Variants in GRK3 observed in about 807,000 individuals in gnomAD.
GRK3 encodes G protein-coupled receptor kinase 3, also known as adrenergic, beta, receptor kinase 2.
GRK3 carries 54 observed loss-of-function variants against 95.7 expected under a neutral mutation model. The ratio of observed to expected loss-of-function variants is 0.56; its 90% confidence interval spans 0.45 to 0.71. GRK3 has a LOEUF of 0.71. Ranked by LOEUF, GRK3 falls within the 30% of genes least tolerant of loss-of-function variation. The pLI is 0.00. For synonymous variants in GRK3, 281 were observed against 290.8 expected (o/e 0.97, Z 0.34); for missense variants, 649 against 851.2 (o/e 0.76, Z 2.96).
intron 2 of GRK3, among the ~76,000 whole-genome samples, chr22:25,621,249 A>G (rs937858154): frequency 6.6e-6 from 1 of 152,258 alleles, no homozygotes; most frequent in African/African-American, 2.4e-5. Context: ...ACTTGCCAAC[A>G]TATAGAATTC....
chr22:25,640,022 G>A (rs1314128350), intron 2 of GRK3, among the ~76,000 whole-genome samples: 1 of 152,090 alleles, frequency 6.6e-6, no homozygotes. Flanking sequence ...ATGTCCTGTG[G>A]CCTTGCTAAA....
intron 1 of GRK3, among the ~76,000 whole-genome samples, chr22:25,603,361 G>T (rs995591484): frequency 3.3e-5 from 5 of 151,420 alleles, no homozygotes; most frequent in African/African-American, 1.2e-4. Flanking sequence ...TTTTCCATTT[G>T]GATAATCACT....
In GRK3 at chr22:25,674,222, T is replaced by G. The variant is rs147019446; in HGVS notation, c.556-215T>G. 1.5e-3 allele frequency among the ~76,000 whole-genome samples: 232 copies of G among 152,318 alleles called. 3 individuals are homozygous for G. The highest frequency in any genetic ancestry group is 5.0e-3 in the African/African-American group (207 of 41,576). Reference sequence around the variant, plus strand: ...TTCCCTTGTGCCTCCATTTGGTGCCTCGTTTATCCTGGAGGTGGAGCTGAG... The same window carrying G: ...TTCCCTTGTGCCTCCATTTGGTGCCGCGTTTATCCTGGAGGTGGAGCTGAG... On this transcript the variant is annotated intron_variant, in intron 7 of 20. Coordinates refer to ENST00000324198, the MANE Select transcript of GRK3 (RefSeq NM_005160.4).
Position 25,615,456 on chromosome 22 carries a change from G to C in GRK3, c.190+11003G>C, listed in dbSNP as rs191318167. Among the ~76,000 whole-genome samples the C allele has an allele frequency of 1.5e-3, 228 of 152,262 alleles. 1 individual carries two copies. Among genetic ancestry groups the C allele is most frequent in the Non-Finnish European group, 2.2e-3 (153 of 68,026 alleles). On this transcript the variant is annotated intron_variant, in intron 2 of 20. Coordinates refer to ENST00000324198, the MANE Select transcript of GRK3 (RefSeq NM_005160.4). ...CTGGTTTTAGATTTTTTTGGAGATA[G>C]CTTTTCTGATGGTTTTACACCTTGT...
intron 3 of GRK3, among the ~76,000 whole-genome samples, chr22:25,659,153 G>A (rs2084893252): frequency 6.6e-6 from 1 of 152,104 alleles, no homozygotes; most frequent in Admixed American, 6.5e-5. Flanking sequence ...TGGAAGTCAA[G>A]CAGAGGAGAG....
intron 2 of GRK3, among the ~76,000 whole-genome samples, chr22:25,626,113 C>A (rs559920517): frequency 4.7e-4 from 72 of 152,218 alleles, no homozygotes; most frequent in Middle Eastern, 3.4e-3. Flanking sequence ...ACCCACTGAC[C>A]CTGTGGGGCT....
rs914992127 is a variant in GRK3, at chr22:25,589,321, C to A, written c.114-15056C>A. ...TACCAGTAAGGTGTTGACGTACAACCTAGCCCACCTATTCTTGGCCCGTAG... is the reference window on the plus strand; with the variant it reads ...TACCAGTAAGGTGTTGACGTACAACATAGCCCACCTATTCTTGGCCCGTAG... On this transcript the variant is annotated intron_variant, in intron 1 of 20. Coordinates refer to ENST00000324198, the MANE Select transcript of GRK3 (RefSeq NM_005160.4). Among the ~76,000 whole-genome samples the A allele has an allele frequency of 1.1e-4, 16 of 152,186 alleles. 1 individual carries two copies. Among genetic ancestry groups the A allele is most frequent in the Non-Finnish European group, 4.4e-5 (3 of 68,040 alleles).
intron 1 of GRK3, among the ~76,000 whole-genome samples, chr22:25,572,172 A>G (rs1468857338): frequency 6.6e-6 from 1 of 152,096 alleles, no homozygotes; most frequent in Non-Finnish European, 1.5e-5. Flanking sequence ...CTATGTCCCT[A>G]CAAAGGACAT....
chr22:25,676,759 A>G (rs549548113), intron 8 of GRK3, among the ~76,000 whole-genome samples: 19 of 152,320 alleles, frequency 1.2e-4, no homozygotes, highest in Admixed American at 3.3e-4. Flanking sequence ...ATAACTCTCA[A>G]AAATAGCCAG....
intron 2 of GRK3, among the ~76,000 whole-genome samples, chr22:25,633,818 T>A (rs1195965979): frequency 6.6e-6 from 1 of 152,210 alleles, no homozygotes; most frequent in Non-Finnish European, 1.5e-5. Flanking sequence ...GTCAAACTTT[T>A]GAAACTTTAT....
At chr22:25,697,895 C>T (rs2085222353) in intron 13 of GRK3, among the ~76,000 whole-genome samples, 1 of 152,124 alleles carries the variant, frequency 6.6e-6, no homozygotes, top group Non-Finnish European at 1.5e-5. Context: ...GCCATTCCTT[C>T]TATTGTTTGT....
chr22:25,702,764 G>A, intron 13 of GRK3: 1 of 455,648 alleles, frequency 2.2e-6, no homozygotes, highest in South Asian at 1.6e-5. Context: ...CCATTGTCTT[G>A]GCTACTTGCA....
At chr22:25,608,731 G>A (rs1355486584) in intron 2 of GRK3, among the ~76,000 whole-genome samples, 121 of 152,156 alleles carry the variant, frequency 8.0e-4, no homozygotes, top group Middle Eastern at 3.4e-3. Flanking sequence ...ATTCCTACTT[G>A]GAGCCTGTAG....
intron 1 of GRK3, among the ~76,000 whole-genome samples, chr22:25,573,137 C>T (rs1212599040): frequency 6.6e-6 from 1 of 152,156 alleles, no homozygotes; most frequent in East Asian, 1.9e-4. Context: ...GCTCAAGATG[C>T]CTTTTATAGG....
intron 2 of GRK3, among the ~76,000 whole-genome samples, chr22:25,632,050 T>G (rs570206904): frequency 6.6e-6 from 1 of 152,340 alleles, no homozygotes; most frequent in African/African-American, 2.4e-5. Flanking sequence ...TATAAGAGCA[T>G]ACATTTTTAT....
chr22:25,691,865 C>A (rs192345018), intron 12 of GRK3, among the ~76,000 whole-genome samples: 1 of 152,184 alleles, frequency 6.6e-6, no homozygotes, highest in African/African-American at 2.4e-5. Context: ...AATATTTGAA[C>A]AGCATCTGTA....
At chr22:25,599,305 C>G (rs1331642944) in intron 1 of GRK3, among the ~76,000 whole-genome samples, 1 of 152,092 alleles carries the variant, frequency 6.6e-6, no homozygotes, top group Non-Finnish European at 1.5e-5. Flanking sequence ...TTGAAAATCA[C>G]ATATATGCCA....
At chr22:25,707,506 G>A (rs191219466) in intron 15 of GRK3, among the ~76,000 whole-genome samples, 140 of 152,300 alleles carry the variant, frequency 9.2e-4, no homozygotes, top group African/African-American at 2.8e-3. Context: ...CTCATGCTAT[G>A]GGAAAGCCAT....
At chr22:25,673,299 T>G (rs1408032293) in intron 7 of GRK3, among the ~76,000 whole-genome samples, 1 of 152,122 alleles carries the variant, frequency 6.6e-6, no homozygotes, top group Non-Finnish European at 1.5e-5. Flanking sequence ...CCTGACCTCA[T>G]GATCAGCCCG....
Sources: gnomAD v4.1 joint callset for allele counts (sites outside exome capture counted in the v4.1 genomes callset) on GRCh38, gnomAD v4.1.1 for gene constraint, MANE v1.5 for transcripts, NCBI Gene and HGNC (gene_info 2026-07-23, HGNC 2026-07-21) for gene names.